Variants in C3 observed in about 807,000 individuals in gnomAD.
The protein encoded by C3 is complement C3.
A neutral mutation model predicts 207.9 loss-of-function variants in C3; 97 were observed. The ratio of observed to expected loss-of-function variants is 0.47; its 90% CI spans 0.40 to 0.55. C3 has a LOEUF of 0.55. Ranked by LOEUF, C3 falls within the 20% of genes least tolerant of loss-of-function variation. The pLI is 0.00. For synonymous variants in C3, 848 were observed against 857.6 expected, an observed-to-expected ratio of 0.99 and a Z score of 0.20; for missense variants, 1,684 against 2,171.7, an observed-to-expected ratio of 0.78 and a Z score of 4.46.
chr19:6,696,304 C>T (rs1372337265), intron 23 of C3, 75 bp downstream of exon 23: 1 of 906,908 alleles, frequency 1.1e-6, no homozygotes, highest in Non-Finnish European at 1.8e-6. Flanking sequence ...GGTTAAACAC[C>T]TCCAGAATGA....
At position 6,702,230 on chromosome 19, in the gene C3, TG is replaced by T. The variant is rs755452533; in HGVS notation, c.2355-19del. The T allele has an allele frequency of 6.6e-7, 1 of 1,516,646 alleles. No homozygotes were observed. Among genetic ancestry groups the T allele is most frequent in the South Asian group, 1.1e-5 (1 of 89,214 alleles). The allele number at this position is 1,516,646 out of a possible 1,614,324, so 93.9% of individuals were successfully genotyped here. ...TAGAGATTCTGGATGGAGAAGAGGT[TG>T]GGGTATTAGGAGATGTCATCTAGCA... On this transcript the variant is annotated intron_variant, in intron 18 of 40. Transcript: ENST00000245907.
Position 6,686,195 on chromosome 19 carries a change from C to A in C3, c.3739G>T (p.Asp1247Tyr). The change falls in exon 29 of 41, where the codon GAC (aspartate) becomes TAC (tyrosine). Residue 1247 changes from aspartate to tyrosine, a missense_variant. Transcript: ENST00000245907. ...CAACGCACGACGGGAGGCACAAAGTCAAAGTCTTTTAGCTGCAGTAGGGCC... is the reference window on the plus strand; with the variant it reads ...CAACGCACGACGGGAGGCACAAAGTAAAAGTCTTTTAGCTGCAGTAGGGCC... ...LLALLQLKDF[D>Y]FVPPVVRWLN... The A allele has an allele frequency of 2.5e-6, 4 of 1,614,166 alleles. No homozygotes were observed. Among genetic ancestry groups the A allele is most frequent in the Non-Finnish European group, 3.4e-6 (4 of 1,180,030 alleles).
At chr19:6,682,490 T>TG (rs1568210673) in intron 33 of C3, 1 of 457,794 alleles carries the variant, frequency 2.2e-6, no homozygotes, top group Non-Finnish European at 4.0e-6. Flanking sequence ...TTGGATGCAT[T>TG]ATTTGACCCT....
In C3 at chr19:6,707,532, GAA is replaced by G. The variant is rs971787609; in HGVS notation, c.1979_1980del (p.Leu660ProfsTer90). On this transcript the variant is annotated frameshift_variant, in exon 16 of 41. Transcript: ENST00000245907. LOFTEE classifies it high-confidence loss of function. The part of the protein sequence containing the change: ...SGQQTAQRAE[L>X]QCPQPAARRR... ...CGGCGGGCGGCTGGCTGCGGGCACT[GAA>G]GTTCTGCAGGGCAGGCGGACCGAGA... 6.2e-7 allele frequency: 1 copy of G among 1,613,922 alleles called. No individual in the cohort carries two copies. Among genetic ancestry groups the G allele is most frequent in the Non-Finnish European group, 8.5e-7 (1 of 1,179,980 alleles).
chr19:6,690,545 C>T, intron 27 of C3, 84 bp downstream of exon 27: 1 of 1,083,796 alleles, frequency 9.2e-7, no homozygotes, highest in South Asian at 1.2e-5. Flanking sequence ...TGCAAATTCC[C>T]TGAAGGCAAC....
intron 19 of C3, among the ~76,000 whole-genome samples, chr19:6,700,576 T>A (rs1197380243): frequency 2.0e-5 from 1 of 49,156 alleles, no homozygotes; most frequent in Admixed American, 3.7e-4. Flanking sequence ...TATGATATAT[T>A]ATATATGTAA....
intron 29 of C3, among the ~76,000 whole-genome samples, chr19:6,685,795 G>C (rs985743090): frequency 2.0e-5 from 3 of 152,090 alleles, no homozygotes; most frequent in African/African-American, 7.2e-5. Flanking sequence ...AGCAAGACAG[G>C]GTAAGATTGT....
chr19:6,708,601 T>C (rs920796129), intron 14 of C3, among the ~76,000 whole-genome samples: 1 of 147,410 alleles, frequency 6.8e-6, no homozygotes, highest in African/African-American at 2.5e-5. Context: ...CATTCTTCAC[T>C]CCCTCCCTCC....
chr19:6,697,287 C>G (rs1484036521), intron 21 of C3, 57 bp downstream of exon 21: 20 of 1,311,208 alleles, frequency 1.5e-5, no homozygotes, highest in Non-Finnish European at 2.2e-5. Flanking sequence ...GTCAATAGTA[C>G]GAAGACCAGG....
chr19:6,707,706 G>C, intron 15 of C3, 94 bp downstream of exon 15: 1 of 1,583,042 alleles, frequency 6.3e-7, no homozygotes, highest in Non-Finnish European at 8.6e-7. Flanking sequence ...GGCGGGGCTT[G>C]AACCCAGGCC....
At chr19:6,714,473 A>T (rs776334145) in intron 4 of C3, 27 bp from the exon 5 acceptor site, 1 of 1,554,320 alleles carries the variant, frequency 6.4e-7, no homozygotes, top group Non-Finnish European at 8.9e-7. Context: ...GGAAGGATAG[A>T]GGATAAAGTG....
rs752216964 is a variant in C3 at position 6,697,800 on chromosome 19, C to A, written c.2441-6G>T. 2.5e-6 allele frequency: 4 copies of A among 1,611,422 alleles called. No homozygotes were observed. The highest frequency in any genetic ancestry group is 2.5e-6 in the Non-Finnish European group (3 of 1,179,346). Reference sequence around the variant, plus strand: ...GGGGTCTGCCACACAGATCCCTGCTCGGGCAGAGACAGAACACGGAGTGTC... The same window carrying A: ...GGGGTCTGCCACACAGATCCCTGCTAGGGCAGAGACAGAACACGGAGTGTC... On this transcript the variant is annotated splice_polypyrimidine_tract_variant and splice_region_variant and intron_variant, in intron 19 of 40. Coordinates refer to ENST00000245907, the MANE Select transcript of C3 (RefSeq NM_000064.4).
At chr19:6,717,262 A>G (rs1335950480) in intron 4 of C3, 1 of 153,690 alleles carries the variant, frequency 6.5e-6, no homozygotes, top group African/African-American at 2.4e-5. Flanking sequence ...TAGATGACAT[A>G]CAATTATCCG....
chr19:6,707,779 G>C (rs374863319), intron 15 of C3, 21 bp downstream of exon 15: 3 of 1,612,298 alleles, frequency 1.9e-6, no homozygotes, highest in Non-Finnish European at 2.5e-6. Context: ...TCCCTGCACC[G>C]GCCCCTGGTG....
rs1257858914 is a variant in C3 at position 6,719,118 on chromosome 19, AAG to A, written c.267+91_267+92del. 5.3e-6 allele frequency: 6 copies of A among 1,137,384 alleles called. No homozygotes were observed. Among genetic ancestry groups the A allele is most frequent in the Non-Finnish European group, 8.0e-6 (6 of 752,862 alleles). 70.5% of individuals were successfully genotyped at this position (1,137,384 alleles called of 1,614,324 possible). On this transcript the variant is annotated intron_variant, in intron 2 of 40. Coordinates refer to ENST00000245907, the MANE Select transcript of C3 (RefSeq NM_000064.4). This position sits in a 1 kb window ranked among gnomAD's most constrained non-coding sequence, Gnocchi z 5.4. ...GTCTCAGGGAAGGGCAGGGCTTAGA[AAG>A]GGAGAAGACAGAAGGGGAGGGGCTC...
chr19:6,678,162 C>T lies in C3; in HGVS notation c.4840G>A (p.Glu1614Lys). 1.2e-6 allele frequency: 2 copies of T among 1,614,226 alleles called. No homozygotes were observed. The highest frequency in any genetic ancestry group is 1.7e-6 in the Non-Finnish European group (2 of 1,180,040). Residue 1614 changes from glutamate to lysine, a missense_variant, in exon 40 of 41, where the codon GAG becomes AAG. Physicochemically the swap from Glu to Lys is moderately conservative, Grantham distance 56. Transcript: ENST00000245907. ...AGGGAAAGCACTCACTTGGGCTTCT[C>T]TCCCCAGAAATCGGAGGAGAGACCC... The part of the protein sequence containing the change: ...MWGLSSDFWG[E>K]KPNLSYIIGK...
chr19:6,719,186 G>A lies in C3; in HGVS notation c.267+25C>T, dbSNP rs1483528365. On this transcript the variant is annotated intron_variant, in intron 2 of 40. Coordinates refer to ENST00000245907, the MANE Select transcript of C3 (RefSeq NM_000064.4). The surrounding 1 kb of genome is among the most constrained non-coding windows in gnomAD (Gnocchi z 5.4). ...GTGGGCGTGGCTGTGGGTGTCAGCC[G>A]GGTCCTGCGCCAGTCTGCACTCACC... The A allele has an allele frequency of 2.5e-6, 4 of 1,609,210 alleles. No homozygotes were observed. Among genetic ancestry groups the A allele is most frequent in the South Asian group, 2.2e-5 (2 of 91,008 alleles).
At chr19:6,690,845 T>A in intron 26 of C3, 118 bp from the exon 27 acceptor site, 1 of 763,892 alleles carries the variant, frequency 1.3e-6, no homozygotes, top group Non-Finnish European at 2.3e-6. Context: ...CTTCTAGGTG[T>A]TACCCCGCTA....
intron 26 of C3, 30 bp from the exon 27 acceptor site, chr19:6,690,757 G>A (rs761654787): frequency 6.4e-7 from 1 of 1,555,380 alleles, no homozygotes; most frequent in Non-Finnish European, 8.9e-7. Context: ...GCAAGGATGG[G>A]GTCACCGGTG....
Sources: gnomAD v4.1 joint callset for allele counts (sites outside exome capture counted in the v4.1 genomes callset) on GRCh38, gnomAD v4.1.1 for gene constraint, Gnocchi (gnomAD v3.1) non-coding constraint, MANE v1.5 for transcripts, NCBI Gene and HGNC (gene_info 2026-07-23, HGNC 2026-07-21) for gene names.